The following ATP2B1 variants were observed in gnomAD, a reference collection of about 807,000 sequenced individuals.
ATP2B1 encodes ATPase plasma membrane Ca2+ transporting 1, also known as plasma membrane calcium-transporting ATPase 1.
In ATP2B1, 14 loss-of-function variants were observed where a neutral mutation model predicts 124.2. The ratio of observed to expected loss-of-function variants is 0.11; its 90% CI spans 0.07 to 0.18. The LOEUF (loss-of-function observed/expected upper bound fraction) is 0.18, where lower values mean the gene tolerates loss of function less well. ATP2B1 is among the 10% of genes least tolerant of loss of function. ATP2B1 has a pLI of 1.00. For missense variants in ATP2B1, 763 were observed against 1,466.1 expected, an observed-to-expected ratio of 0.52 and a Z score of 7.83; for synonymous variants, 449 against 492.4, an observed-to-expected ratio of 0.91 and a Z score of 1.17.
intron 11 of ATP2B1, among the ~76,000 whole-genome samples, chr12:89,618,304 G>C (rs972117160): frequency 6.6e-6 from 1 of 152,142 alleles, no homozygotes; most frequent in Non-Finnish European, 1.5e-5. Flanking sequence ...TGTCCACCAG[G>C]CTTCACACTA....
In ATP2B1 at chr12:89,642,273, G is replaced by C; in HGVS notation, c.291C>G (p.Thr97=). The part of the protein sequence containing the change: ...KNFIPPKKPK[T]FLQLVWEALQ... ...ATGCTTCCCATACTAATTGAAGAAA[G>C]GTTTTTGGCTTTTTAGGAGGTATAA... The change falls in exon 3 of 21, where the codon ACC becomes ACG. Residue 97 remains threonine, a synonymous_variant. Transcript: ENST00000428670. The C allele has an allele frequency of 6.2e-7, 1 of 1,613,530 alleles. No individual in the cohort carries two copies. Among genetic ancestry groups the C allele is most frequent in the South Asian group, 1.1e-5 (1 of 91,066 alleles).
Position 89,624,061 on chromosome 12 carries a change from T to C in ATP2B1, c.1344+122A>G, listed in dbSNP as rs149847237. On this transcript the variant is annotated intron_variant, in intron 9 of 20. Coordinates refer to ENST00000428670, the MANE Select transcript of ATP2B1 (RefSeq NM_001366521.1). ...TCAATGACAACATTTCTAGAGAAAA[T>C]AGTGTACATTTATATGAAAGTCCTC... is the stretch of plus-strand genomic sequence containing the variant. The C allele has an allele frequency of 1.6e-3, 1,310 of 825,968 alleles. 15 individuals are homozygous for C. In the African/African-American group the frequency reaches 0.02, roughly 13 times the overall value. 51.2% of individuals were successfully genotyped at this position (825,968 alleles called of 1,614,324 possible). A position where few individuals can be genotyped will look rare whatever the true frequency, so the allele number is the denominator to read the frequency against.
At chr12:89,643,692 T>C (rs1884005136) in intron 2 of ATP2B1, among the ~76,000 whole-genome samples, 1 of 152,250 alleles carries the variant, frequency 6.6e-6, no homozygotes, top group East Asian at 1.9e-4. Flanking sequence ...CAAACCCAGA[T>C]ATATCCCAAT....
intron 1 of ATP2B1, among the ~76,000 whole-genome samples, chr12:89,677,839 A>C (rs974044591): frequency 8.6e-5 from 13 of 151,700 alleles, no homozygotes. Context: ...ATAAAAGACA[A>C]GTTTCAAATA....
At chr12:89,669,755 TCTC>T (rs1239767692) in intron 1 of ATP2B1, among the ~76,000 whole-genome samples, 4 of 152,152 alleles carry the variant, frequency 2.6e-5, no homozygotes, top group African/African-American at 9.7e-5. Context: ...TCTAATAAAC[TCTC>T]CTATTTTGCA....
intron 6 of ATP2B1, among the ~76,000 whole-genome samples, chr12:89,629,396 G>A (rs1881482162): frequency 2.0e-5 from 3 of 152,144 alleles, no homozygotes; most frequent in Admixed American, 2.0e-4. Flanking sequence ...AATCATTACT[G>A]TGCTGGTTTT....
intron 1 of ATP2B1, among the ~76,000 whole-genome samples, chr12:89,703,830 C>A (rs1365696020): frequency 6.6e-6 from 1 of 152,110 alleles, no homozygotes; most frequent in Admixed American, 6.6e-5. Context: ...GGTATCTCTA[C>A]CATGTAACTT....
intron 1 of ATP2B1, among the ~76,000 whole-genome samples, chr12:89,697,866 C>T (rs528741345): frequency 6.6e-6 from 1 of 152,048 alleles, no homozygotes; most frequent in African/African-American, 2.4e-5. Flanking sequence ...CAGTTACAGG[C>T]TTCATATATA....
chr12:89,671,806 A>G (rs1888032291), intron 1 of ATP2B1, among the ~76,000 whole-genome samples: 1 of 147,372 alleles, frequency 6.8e-6, no homozygotes, highest in South Asian at 2.1e-4. Flanking sequence ...ATTAATGGAC[A>G]TTCTGATTTT....
chr12:89,684,845 C>T (rs11105369), intron 1 of ATP2B1, among the ~76,000 whole-genome samples: 113,965 of 151,946 alleles, frequency 0.75, 43,258 homozygotes, highest in East Asian at 0.97. Context: ...CTAATATGAG[C>T]GATTTCATTT....
intron 11 of ATP2B1, 95 bp from the exon 12 acceptor site, chr12:89,617,134 T>C: frequency 1.1e-6 from 1 of 887,962 alleles, no homozygotes; most frequent in Non-Finnish European, 1.8e-6. Context: ...TCATGGGATC[T>C]GATATCTGGA....
intron 1 of ATP2B1, among the ~76,000 whole-genome samples, chr12:89,706,687 C>T (rs936350951): frequency 7.9e-5 from 12 of 151,932 alleles, no homozygotes; most frequent in African/African-American, 2.7e-4. Context: ...AATGGGGATG[C>T]CAATAATGAC....
intron 18 of ATP2B1, 106 bp from the exon 19 acceptor site, chr12:89,601,539 T>G: frequency 1.6e-6 from 1 of 616,772 alleles, no homozygotes; most frequent in Non-Finnish European, 2.6e-6. Flanking sequence ...GAACAACCAC[T>G]ATTCTGATGA....
chr12:89,597,500 T>G (rs1874860812), intron 20 of ATP2B1, among the ~76,000 whole-genome samples: 1 of 152,204 alleles, frequency 6.6e-6, no homozygotes, highest in African/African-American at 2.4e-5. Flanking sequence ...TTAAAAAATA[T>G]CAAATGAAAA....
At chr12:89,633,535 C>T (rs890134831) in intron 5 of ATP2B1, among the ~76,000 whole-genome samples, 18 of 150,596 alleles carry the variant, frequency 1.2e-4, no homozygotes, top group African/African-American at 4.1e-4. Flanking sequence ...GAACTTTTAT[C>T]CTATTTATAA....
chr12:89,602,923 A>G (rs1876157873), intron 18 of ATP2B1, 120 bp downstream of exon 18: 1 of 815,696 alleles, frequency 1.2e-6, no homozygotes, highest in Non-Finnish European at 1.9e-6. Context: ...ATGATATTAT[A>G]TATGTCACCA....
Position 89,603,863 on chromosome 12 carries a change from G to C in ATP2B1, c.2697C>G (p.Ser899=), listed in dbSNP as rs759779663. 2 of 1,614,058 alleles carry C rather than the reference G, an allele frequency of 1.2e-6. No homozygotes were observed. Among genetic ancestry groups the C allele is most frequent in the Admixed American group, 1.7e-5 (1 of 60,024 alleles). The change falls in exon 17 of 21, where the codon TCC becomes TCG. Residue 899 remains serine (S), a synonymous_variant. Transcript: ENST00000428670. This position sits in a 1 kb window ranked among gnomAD's most constrained non-coding sequence, Gnocchi z 4.3. The part of the protein sequence containing the change: ...WVNLIMDTLA[S]LALATEPPTE... Reference sequence around the variant, plus strand: ...TGGGTGGTTCCGTTGCCAGAGCCAGGGAAGCGAGTGTATCCATTATGAGGT... The same window carrying C: ...TGGGTGGTTCCGTTGCCAGAGCCAGCGAAGCGAGTGTATCCATTATGAGGT...
Position 89,603,727 on chromosome 12 carries a change from T to C in ATP2B1, c.2833A>G (p.Thr945Ala). 1 of 1,613,350 alleles carries C rather than the reference T, an allele frequency of 6.2e-7. No individual in the cohort carries two copies. Among genetic ancestry groups the C allele is most frequent in the Non-Finnish European group, 8.5e-7 (1 of 1,179,296 alleles). ...HAFYQLVVVFTLLFAGEKFFD... is the reference protein window; with the variant it reads ...HAFYQLVVVFALLFAGEKFFD... ...GAATTCTTACCAGCAAATAAGAGTG[T>C]AAAGACTACTACAAGTTGATAGAAT... The change falls in exon 17 of 21, where the codon ACA becomes GCA. Residue 945 changes from threonine to alanine, a missense_variant. This residue lies in a region of ATP2B1 where 118 missense variants were observed against 240.3 expected (regional missense o/e 0.49). Transcript: ENST00000428670. The surrounding 1 kb of genome is among the most constrained non-coding windows in gnomAD (Gnocchi z 4.3).
At chr12:89,659,630 T>C (rs1172067482) in intron 1 of ATP2B1, among the ~76,000 whole-genome samples, 1 of 152,090 alleles carries the variant, frequency 6.6e-6, no homozygotes, top group Non-Finnish European at 1.5e-5. Context: ...GTGTGAAAGT[T>C]AACCAGACTT....
Sources: gnomAD v4.1 joint callset for allele counts (sites outside exome capture counted in the v4.1 genomes callset) on GRCh38, gnomAD v4.1.1 for gene constraint, gnomAD v4.1.1 regional missense constraint, Gnocchi (gnomAD v3.1) non-coding constraint, MANE v1.5 for transcripts, NCBI Gene and HGNC (gene_info 2026-07-23, HGNC 2026-07-21) for gene names.